The following MAPK10 variants were observed in gnomAD, a reference collection of about 807,000 sequenced individuals.
MAPK10 encodes mitogen-activated protein kinase 10, also known as JNK3 alpha protein kinase.
MAPK10 carries 25 observed loss-of-function variants against 59.3 expected under a neutral mutation model. The ratio of observed to expected loss-of-function variants is 0.42; its 90% confidence interval spans 0.31 to 0.59. The LOEUF is 0.59. Ranked by LOEUF, MAPK10 falls within the 20% of genes least tolerant of loss-of-function variation. The pLI is 0.15. For missense variants in MAPK10, 351 were observed against 568.9 expected (o/e 0.62, Z 3.90); for synonymous variants, 190 against 200.5 (o/e 0.95, Z 0.44).
intron 4 of MAPK10, among the ~76,000 whole-genome samples, chr4:86,155,529 C>T (rs1380357451): frequency 1.3e-5 from 2 of 151,746 alleles, no homozygotes; most frequent in Non-Finnish European, 2.9e-5. Flanking sequence ...TTCCAAGACC[C>T]CCAGTGGATG....
At chr4:86,588,173 G>A (rs1762764241) in intron 1 of MAPK10, among the ~76,000 whole-genome samples, 2 of 152,118 alleles carry the variant, frequency 1.3e-5, no homozygotes, top group African/African-American at 4.8e-5. Context: ...CCATTATGTG[G>A]TTGTTCATGG....
At chr4:86,451,433 G>A (rs933590049) in intron 1 of MAPK10, among the ~76,000 whole-genome samples, 10 of 152,040 alleles carry the variant, frequency 6.6e-5, no homozygotes, top group African/African-American at 1.2e-4. Context: ...GAAGAATAAC[G>A]GCCAATATTT....
At chr4:86,396,708 G>T (rs1320295744) in intron 1 of MAPK10, among the ~76,000 whole-genome samples, 4 of 152,130 alleles carry the variant, frequency 2.6e-5, no homozygotes, top group Non-Finnish European at 5.9e-5. Context: ...AACGGGAACA[G>T]GTATGTCACA....
At chr4:86,180,597 T>C (rs1240307989) in intron 3 of MAPK10, among the ~76,000 whole-genome samples, 1 of 151,850 alleles carries the variant, frequency 6.6e-6, no homozygotes, top group African/African-American at 2.4e-5. Flanking sequence ...GAATCAACCT[T>C]AGGTGTCCAA....
chr4:86,405,951 A>C (rs1301196562), intron 1 of MAPK10, among the ~76,000 whole-genome samples: 1 of 152,204 alleles, frequency 6.6e-6, no homozygotes, highest in African/African-American at 2.4e-5. Flanking sequence ...TTAACTGACT[A>C]AATAGAAGAA....
rs540367457 is a variant in MAPK10 at position 86,313,643 on chromosome 4, T to C, written c.-7+40887A>G. Among the ~76,000 whole-genome samples the C allele has an allele frequency of 3.9e-5, 6 of 152,250 alleles. No individual in the cohort carries two copies. In the South Asian group the frequency reaches 1.0e-3, roughly 26 times the overall value. On this transcript the variant is annotated intron_variant, in intron 2 of 13. Coordinates refer to ENST00000641462, the MANE Select transcript of MAPK10 (RefSeq NM_138982.4). ...CAACATTGTTTGTCATTAGGGAAAT[T>C]CAGTTTAAAACCACAATAAGATATC...
intron 11 of MAPK10, among the ~76,000 whole-genome samples, chr4:86,034,917 G>GTGT (rs1264118442): frequency 1.3e-5 from 2 of 152,102 alleles, no homozygotes; most frequent in Non-Finnish European, 2.9e-5. Flanking sequence ...GGTGGTGGTG[G>GTGT]TAGTGGTAGT....
At chr4:86,316,834 G>A (rs184818509) in intron 2 of MAPK10, among the ~76,000 whole-genome samples, 1 of 152,206 alleles carries the variant, frequency 6.6e-6, no homozygotes, top group Admixed American at 6.5e-5. Flanking sequence ...CATCCTAACG[G>A]CATTAGCGGC....
chr4:86,531,507 G>A (rs1338483768), intron 1 of MAPK10, among the ~76,000 whole-genome samples: 1 of 152,134 alleles, frequency 6.6e-6, no homozygotes, highest in Non-Finnish European at 1.5e-5. Context: ...ACCCACTGCA[G>A]GAAAGAGGAA....
chr4:86,042,913 G>C (rs147984944), intron 11 of MAPK10, among the ~76,000 whole-genome samples: 1 of 152,096 alleles, frequency 6.6e-6, no homozygotes, highest in Non-Finnish European at 1.5e-5. Flanking sequence ...TGTGAAGGGG[G>C]CTGAGGGAAT....
intron 2 of MAPK10, among the ~76,000 whole-genome samples, chr4:86,316,969 T>C (rs2095800716): frequency 6.6e-6 from 1 of 152,156 alleles, no homozygotes; most frequent in African/African-American, 2.4e-5. Context: ...TTTTTAACCA[T>C]GTGCGAGCCT....
chr4:86,463,845 C>A (rs1751961886), intron 1 of MAPK10, among the ~76,000 whole-genome samples: 1 of 152,154 alleles, frequency 6.6e-6, no homozygotes. Flanking sequence ...AATCAAAAAG[C>A]AAGTCCATAA....
chr4:86,462,021 G>A (rs1007658477), intron 1 of MAPK10, among the ~76,000 whole-genome samples: 11 of 152,174 alleles, frequency 7.2e-5, no homozygotes, highest in East Asian at 1.9e-4. Context: ...CCTGGGCCCC[G>A]TTCCAAACTG....
intron 2 of MAPK10, among the ~76,000 whole-genome samples, chr4:86,349,065 G>A (rs1729763388): frequency 6.6e-6 from 1 of 152,160 alleles, no homozygotes; most frequent in Non-Finnish European, 1.5e-5. Context: ...CAGAACAACA[G>A]TTTGTTTAGG....
chr4:86,422,752 G>A (rs944600423), intron 1 of MAPK10, among the ~76,000 whole-genome samples: 7 of 152,134 alleles, frequency 4.6e-5, no homozygotes, highest in Non-Finnish European at 7.3e-5. Flanking sequence ...AAGTATTAAG[G>A]GTATATGACA....
At chr4:86,260,872 T>C (rs373749720) in intron 2 of MAPK10, among the ~76,000 whole-genome samples, 5 of 152,162 alleles carry the variant, frequency 3.3e-5, no homozygotes, top group African/African-American at 1.2e-4. Flanking sequence ...GTATTTACTA[T>C]GCAAGGCATT....
chr4:86,415,207 G>A (rs771003545), intron 1 of MAPK10, among the ~76,000 whole-genome samples: 3 of 151,794 alleles, frequency 2.0e-5, no homozygotes, highest in African/African-American at 7.3e-5. Context: ...TCATCATGTG[G>A]TGTTTGAAAA....
intron 11 of MAPK10, among the ~76,000 whole-genome samples, chr4:86,054,206 A>C (rs959027075): frequency 6.6e-6 from 1 of 152,204 alleles, no homozygotes; most frequent in Non-Finnish European, 1.5e-5. Context: ...CTTTCTCTTC[A>C]GGAATAGAAC....
chr4:86,226,916 C>T (rs1213334480), intron 2 of MAPK10, among the ~76,000 whole-genome samples: 4 of 152,190 alleles, frequency 2.6e-5, no homozygotes, highest in Non-Finnish European at 4.4e-5. Flanking sequence ...GACATGTATA[C>T]TCCTAAAGCA....
Sources: gnomAD v4.1 joint callset for allele counts (sites outside exome capture counted in the v4.1 genomes callset) on GRCh38, gnomAD v4.1.1 for gene constraint, MANE v1.5 for transcripts, NCBI Gene and HGNC (gene_info 2026-07-23, HGNC 2026-07-21) for gene names.